DPP10: variants seen among roughly 807,000 people sequenced by gnomAD.
DPP10 encodes inactive dipeptidyl peptidase 10.
A neutral mutation model predicts 120.9 loss-of-function variants in DPP10; 33 were observed. The observed-to-expected ratio is 0.27, with a 90% CI of 0.21 to 0.37. DPP10 has a LOEUF of 0.37. Ranked by LOEUF, DPP10 falls within the 10% of genes least tolerant of loss-of-function variation. The probability of loss-of-function intolerance (pLI) is 1.00; values close to 1 mark genes in which losing one functional copy is unlikely to be tolerated. For missense variants in DPP10, 816 were observed against 942.8 expected (o/e 0.87, Z 1.76); for synonymous variants, 337 against 326.1 (o/e 1.03, Z -0.36).
At chr2:115,716,929 T>C (rs1160307337) in intron 7 of DPP10, among the ~76,000 whole-genome samples, 1 of 152,230 alleles carries the variant, frequency 6.6e-6, no homozygotes, top group African/African-American at 2.4e-5. Context: ...CATATGAGAA[T>C]TTCTTCTAGT....
At chr2:115,545,297 A>G (rs2079429725) in intron 5 of DPP10, among the ~76,000 whole-genome samples, 1 of 152,190 alleles carries the variant, frequency 6.6e-6, no homozygotes, top group African/African-American at 2.4e-5. Context: ...ATTATTAAAT[A>G]TGAGGAAATG....
intron 1 of DPP10, among the ~76,000 whole-genome samples, chr2:114,655,020 G>A (rs1488724292): frequency 6.6e-6 from 1 of 152,134 alleles, no homozygotes; most frequent in Non-Finnish European, 1.5e-5. Context: ...ATTAGACTTA[G>A]ATAAGTTAGT....
At chr2:115,669,752 A>G (rs939611597) in intron 5 of DPP10, among the ~76,000 whole-genome samples, 1 of 152,140 alleles carries the variant, frequency 6.6e-6, no homozygotes, top group African/African-American at 2.4e-5. Flanking sequence ...GAGTAGTTAC[A>G]TAGCCATTGT....
In DPP10 at chr2:114,881,566, A is replaced by ATCTT. The variant is rs755303749; in HGVS notation, c.61-427670_61-427669insTTCT. 7.4e-5 allele frequency among the ~76,000 whole-genome samples: 2 copies of ATCTT among 26,870 alleles called. 1 individual carries two copies. The highest frequency in any genetic ancestry group is 2.1e-4 in the Non-Finnish European group (2 of 9,438). The allele number at this position is 26,870 out of a possible 152,430, so 17.6% of individuals were successfully genotyped here. ...CTATCTAAGTATCTATCTATGTATC[A>ATCTT]TCTATCTATCTATCTGTCTGTCTGT... On this transcript the variant is annotated intron_variant, in intron 1 of 25. Transcript: ENST00000410059.
intron 1 of DPP10, among the ~76,000 whole-genome samples, chr2:115,154,768 T>C (rs2051788786): frequency 6.6e-6 from 1 of 151,690 alleles, no homozygotes; most frequent in South Asian, 2.1e-4. Flanking sequence ...TTAACTCCAG[T>C]CCCCAACAGA....
chr2:115,664,458 C>G (rs6734750), intron 5 of DPP10, among the ~76,000 whole-genome samples: 110,925 of 151,806 alleles, frequency 0.73, 42,892 homozygotes, highest in Middle Eastern at 0.92. Context: ...TATTTAGAAA[C>G]TATAATTAAC....
intron 3 of DPP10, among the ~76,000 whole-genome samples, chr2:115,438,144 A>G (rs1009241547): frequency 6.6e-6 from 1 of 152,160 alleles, no homozygotes; most frequent in African/African-American, 2.4e-5. Flanking sequence ...GTTAAACATC[A>G]CTAACCATTA....
Position 114,447,034 on chromosome 2 carries a change from AT to A in DPP10, c.60+4214del, listed in dbSNP as rs3981301. ...GCATTGCAATCTCACTGGTTGTTAA[AT>A]TTTTTTTTTTTTTTTTTGAGACGGA... On this transcript the variant is annotated intron_variant, in intron 1 of 25. Coordinates refer to ENST00000410059, the MANE Select transcript of DPP10 (RefSeq NM_020868.6). 8.9e-3 allele frequency among the ~76,000 whole-genome samples: 1,236 copies of A among 138,320 alleles called. 15 individuals are homozygous for A. The highest frequency in any genetic ancestry group is 9.3e-3 in the Non-Finnish European group (609 of 65,176). The allele number at this position is 138,320 out of a possible 152,430, so 90.7% of individuals were successfully genotyped here.
At chr2:114,457,868 T>G (rs1212651306) in intron 1 of DPP10, among the ~76,000 whole-genome samples, 1 of 152,196 alleles carries the variant, frequency 6.6e-6, no homozygotes, top group Non-Finnish European at 1.5e-5. Flanking sequence ...ATGCTGAGGA[T>G]GGTTAGTGTT....
chr2:115,444,733 A>G lies in DPP10; in HGVS notation c.272-54777A>G, dbSNP rs189806304. On this transcript the variant is annotated intron_variant, in intron 3 of 25. Coordinates refer to ENST00000410059, the MANE Select transcript of DPP10 (RefSeq NM_020868.6). ...CATTTAAAAAGCAGAGATTACTGCAAGTATAGAAGTAATGCATTTTGGTAG... is the reference window on the plus strand; with the variant it reads ...CATTTAAAAAGCAGAGATTACTGCAGGTATAGAAGTAATGCATTTTGGTAG... Among the ~76,000 whole-genome samples, 88 of 152,362 alleles carry G rather than the reference A, an allele frequency of 5.8e-4. 1 individual carries two copies. The South Asian group carries it at 9.7e-3, about 17-fold the overall frequency.
At chr2:114,850,031 C>CA (rs1322937196) in intron 1 of DPP10, among the ~76,000 whole-genome samples, 1 of 133,210 alleles carries the variant, frequency 7.5e-6, no homozygotes, top group Non-Finnish European at 1.6e-5. Context: ...CCCTTTCCTT[C>CA]CCTTTTCTTC....
At chr2:115,488,750 G>A (rs965410183) in intron 3 of DPP10, among the ~76,000 whole-genome samples, 1 of 125,024 alleles carries the variant, frequency 8.0e-6, no homozygotes, top group Admixed American at 8.2e-5. Context: ...GGAGGGGGGA[G>A]GGATAGCATT....
At chr2:115,204,381 T>C (rs916538079) in intron 1 of DPP10, among the ~76,000 whole-genome samples, 8 of 152,202 alleles carry the variant, frequency 5.3e-5, no homozygotes, top group Admixed American at 2.6e-4. Context: ...ACTAAGCCTC[T>C]AGCCTCTTGC....
At chr2:115,405,378 G>T (rs1474870508) in intron 3 of DPP10, among the ~76,000 whole-genome samples, 1 of 152,136 alleles carries the variant, frequency 6.6e-6, no homozygotes, top group Admixed American at 6.6e-5. Context: ...ACCTCGGACA[G>T]GCCCACCTCC....
chr2:115,648,377 A>G (rs1437068827), intron 5 of DPP10, among the ~76,000 whole-genome samples: 1 of 152,076 alleles, frequency 6.6e-6, no homozygotes, highest in Non-Finnish European at 1.5e-5. Flanking sequence ...AGTTCATATC[A>G]ATGTATGATA....
intron 1 of DPP10, among the ~76,000 whole-genome samples, chr2:115,200,689 A>G (rs1002566430): frequency 1.3e-5 from 2 of 152,196 alleles, no homozygotes; most frequent in African/African-American, 4.8e-5. Context: ...AGAATGTTCT[A>G]CCTAGGACCA....
intron 1 of DPP10, among the ~76,000 whole-genome samples, chr2:114,712,949 G>T (rs1701119686): frequency 6.6e-6 from 1 of 150,512 alleles, no homozygotes; most frequent in Admixed American, 6.6e-5. Flanking sequence ...TACCTTGAGT[G>T]CTTCTAAGTT....
chr2:114,843,172 G>C (rs1688291050), intron 1 of DPP10, among the ~76,000 whole-genome samples: 1 of 152,054 alleles, frequency 6.6e-6, no homozygotes, highest in South Asian at 2.1e-4. Flanking sequence ...AACCCCCCAA[G>C]ATGAGAAATG....
intron 1 of DPP10, among the ~76,000 whole-genome samples, chr2:115,195,361 A>G (rs953627250): frequency 6.6e-6 from 1 of 152,228 alleles, no homozygotes; most frequent in Non-Finnish European, 1.5e-5. Flanking sequence ...AGACGAATAC[A>G]TGATAGGGAT....
Sources: gnomAD v4.1 joint callset for allele counts (sites outside exome capture counted in the v4.1 genomes callset) on GRCh38, gnomAD v4.1.1 for gene constraint, MANE v1.5 for transcripts, NCBI Gene and HGNC (gene_info 2026-07-23, HGNC 2026-07-21) for gene names.